Variants in MGAM observed in about 807,000 individuals in gnomAD.
MGAM encodes maltase-glucoamylase, also known as alpha-1,4-glucosidase.
In MGAM, 253 loss-of-function variants were observed where a neutral mutation model predicts 358.8. That is an observed-to-expected ratio of 0.71 (90% CI 0.64 to 0.78). The LOEUF (loss-of-function observed/expected upper bound fraction) is 0.78, where lower values mean the gene tolerates loss of function less well. Ranked by LOEUF, MGAM falls within the 30% of genes least tolerant of loss-of-function variation. The pLI is 0.00. For missense variants in MGAM, 3,080 were observed against 3,432.6 expected, an observed-to-expected ratio of 0.90 and a Z score of 2.57; for synonymous variants, 1,105 against 1,227.1, an observed-to-expected ratio of 0.90 and a Z score of 2.08.
chr7:142,088,688 A>G (rs1226810189), intron 57 of MGAM, among the ~76,000 whole-genome samples: 2 of 140,694 alleles, frequency 1.4e-5, no homozygotes. Flanking sequence ...CTATCTATCT[A>G]TCTATCTATC....
rs368424045 is a variant in MGAM at position 142,065,883 on chromosome 7, T to C, written c.4770+52T>C. The stretch of plus-strand genomic sequence containing the variant: ...GTTTTATGTCACTTGAAAGACAGTC[T>C]CCATTTCTGTGCTAAAAGTAATGCA... On this transcript the variant is annotated intron_variant, in intron 40 of 70. Transcript: ENST00000475668. The C allele has an allele frequency of 1.7e-5, 23 of 1,331,290 alleles. 1 individual carries two copies. Among genetic ancestry groups the C allele is most frequent in the South Asian group, 1.6e-4 (13 of 80,226 alleles). 82.5% of individuals were successfully genotyped at this position (1,331,290 alleles called of 1,614,324 possible). A position where few individuals can be genotyped will look rare whatever the true frequency, so the allele number is the denominator to read the frequency against.
rs200326465 is a variant in MGAM at position 142,056,908 on chromosome 7, C to T, written c.3659C>T (p.Pro1220Leu). The change falls in exon 30 of 71, where the codon CCG (proline) becomes CTG (leucine). Residue 1220 changes from proline to leucine, a missense_variant. By Grantham distance (98) the Pro-to-Leu change is moderately conservative. This residue lies in a region of MGAM where 1,816 missense variants were observed against 1,840.5 expected (regional missense o/e 0.99). Coordinates refer to ENST00000475668, the MANE Select transcript of MGAM (RefSeq NM_001365693.1). ...CTGGACTTTTATGTGTTCTTGGGGC[C>T]GACTCCAGAGCTTGTCACCCAGCAG... ...GVLDFYVFLG[P>L]TPELVTQQYT... 20 of 1,613,646 alleles carry T rather than the reference C, an allele frequency of 1.2e-5. No individual in the cohort carries two copies. The highest frequency in any genetic ancestry group is 3.3e-5 in the South Asian group (3 of 91,062).
At chr7:142,047,691 C>A in intron 21 of MGAM, 94 bp from the exon 22 acceptor site, 1 of 1,223,680 alleles carries the variant, frequency 8.2e-7, no homozygotes, top group Non-Finnish European at 1.2e-6. Context: ...CTGCTAGTAA[C>A]TTTTCCAATT....
intron 31 of MGAM, among the ~76,000 whole-genome samples, chr7:142,058,600 C>A (rs988023562): frequency 6.6e-6 from 1 of 152,236 alleles, no homozygotes; most frequent in Non-Finnish European, 1.5e-5. Flanking sequence ...CCTTCCATTT[C>A]TTTCACTTGG....
chr7:142,041,777 T>A (rs1808589033), intron 21 of MGAM, among the ~76,000 whole-genome samples: 1 of 145,996 alleles, frequency 6.8e-6, no homozygotes, highest in Non-Finnish European at 1.5e-5. Context: ...ATGATCCAAA[T>A]GAAACTTTAC....
chr7:142,074,948 G>C (rs1813621700), intron 45 of MGAM, among the ~76,000 whole-genome samples: 1 of 146,110 alleles, frequency 6.8e-6, no homozygotes, highest in Non-Finnish European at 1.6e-5. Flanking sequence ...TGGATCCCCA[G>C]AACTTATTCA....
In MGAM at chr7:142,082,074, A is replaced by G. The variant is rs1299744850; in HGVS notation, c.6035A>G (p.Asn2012Ser). 9.6e-6 allele frequency: 15 copies of G among 1,555,450 alleles called. 2 individuals are homozygous for G. In the East Asian group the frequency reaches 1.6e-4, roughly 17 times the overall value. The change falls in exon 51 of 71, where the codon AAT becomes AGT. Residue 2012 changes from asparagine (N) to serine (S), a missense_variant. By Grantham distance (46) the Asn-to-Ser change is conservative. This residue lies in a region of MGAM where 932 missense variants were observed against 1,198.2 expected (regional missense o/e 0.78). Coordinates refer to ENST00000475668, the MANE Select transcript of MGAM (RefSeq NM_001365693.1). The stretch of plus-strand genomic sequence containing the variant: ...TCTCAGCTCCTTGGCTTCACCTTCA[A>G]TGACATGTTTATCCGCATCTCCACC... ...WDSQLLGFTF[N>S]DMFIRISTRL...
chr7:142,094,231 C>A, intron 60 of MGAM, 133 bp from the exon 61 acceptor site: 1 of 1,119,146 alleles, frequency 8.9e-7, no homozygotes, highest in Non-Finnish European at 1.3e-6. Flanking sequence ...GCCCCCATTA[C>A]AGCTCAGAGT....
At chr7:142,000,749 T>C (rs1344310004) in intron 1 of MGAM, among the ~76,000 whole-genome samples, 1 of 152,174 alleles carries the variant, frequency 6.6e-6, no homozygotes, top group Non-Finnish European at 1.5e-5. Context: ...AGTGTGTAAG[T>C]GTATTTAAGG....
rs778953832 is a variant in MGAM, at chr7:142,102,630, A to T, written c.7964A>T (p.Asp2655Val). ...TGTTTATCTTGTTTTTTGTTTGCAG[A>T]TACCTATGGGAAAGGACTCTATTAC... ...WLFWDDGQSI[D>V]TYGKGLYYLA... Residue 2655 changes from aspartate (D) to valine (V), a missense_variant and splice_region_variant, in exon 69 of 71, where the codon GAT (aspartate) becomes GTT (valine). Transcript: ENST00000475668. 2 of 1,613,256 alleles carry T rather than the reference A, an allele frequency of 1.2e-6. No homozygotes were observed. Among genetic ancestry groups the T allele is most frequent in the East Asian group, 2.2e-5 (1 of 44,848 alleles).
At chr7:142,015,282 A>ATTCT (rs782381438) in intron 3 of MGAM, among the ~76,000 whole-genome samples, 1 of 152,016 alleles carries the variant, frequency 6.6e-6, no homozygotes, top group East Asian at 1.9e-4. Flanking sequence ...CTGGATTCTT[A>ATTCT]TTCTTATCAT....
intron 31 of MGAM, 107 bp from the exon 32 acceptor site, chr7:142,059,365 C>G: frequency 6.7e-7 from 1 of 1,493,164 alleles, no homozygotes; most frequent in Non-Finnish European, 9.0e-7. Flanking sequence ...TTGAATGCAT[C>G]AACAAGAAGC....
intron 40 of MGAM, 122 bp downstream of exon 40, chr7:142,065,953 G>T (rs77524472): frequency 0.35 from 265,854 of 766,110 alleles, 48,952 homozygotes; most frequent in Non-Finnish European, 0.39. Context: ...GTTTTTTTTT[G>T]TTTTGTTTTG....
chr7:142,038,413 G>A, intron 18 of MGAM, 118 bp from the exon 19 acceptor site: 1 of 705,048 alleles, frequency 1.4e-6, no homozygotes, highest in Non-Finnish European at 2.4e-6. Context: ...AGAATAATTT[G>A]GGGGGTTTGC....
chr7:142,043,999 A>G (rs1438575463), intron 21 of MGAM, among the ~76,000 whole-genome samples: 2 of 131,334 alleles, frequency 1.5e-5, no homozygotes, highest in Non-Finnish European at 3.1e-5. Context: ...TTATATACAC[A>G]TACGACGTAT....
At chr7:142,098,411 TTC>T (rs1193685799) in intron 66 of MGAM, among the ~76,000 whole-genome samples, 5 of 151,978 alleles carry the variant, frequency 3.3e-5, no homozygotes, top group African/African-American at 1.2e-4. Context: ...TCTTCTGACT[TTC>T]TGAGGAGAAC....
In MGAM at chr7:142,019,251, T is replaced by C. The variant is rs782616300; in HGVS notation, c.380T>C (p.Val127Ala). ...TGGAATCCCCAGGGAGCTGTAAGTG[T>C]TCCCTGGTGCTACTATTCCAAGAAT... ...CCWNPQGAVS[V>A]PWCYYSKNHS... Residue 127 changes from valine to alanine, a missense_variant, in exon 4 of 71, where the codon GTT (valine) becomes GCT (alanine). By Grantham distance (64) the Val-to-Ala change is moderately conservative. Around this residue, in one of 5 missense-constraint regions of MGAM, gnomAD observed 1,816 missense variants for 1,840.5 expected, o/e 0.99. Transcript: ENST00000475668. 6.2e-7 allele frequency: 1 copy of C among 1,613,472 alleles called. No homozygotes were observed. Among genetic ancestry groups the C allele is most frequent in the Non-Finnish European group, 8.5e-7 (1 of 1,179,486 alleles).
At position 142,038,336 on chromosome 7, in the gene MGAM, A is replaced by G. The variant is rs562439596; in HGVS notation, c.2232-195A>G. 1.2e-4 allele frequency among the ~76,000 whole-genome samples: 19 copies of G among 152,282 alleles called. No individual in the cohort carries two copies. In the South Asian group the frequency reaches 3.9e-3, roughly 32 times the overall value. ...AAACATCTGTTTATCCTGAGGGAAG[A>G]ATAGGAGACATGAGCTGGGGAAGGG... On this transcript the variant is annotated intron_variant, in intron 18 of 70. Coordinates refer to ENST00000475668, the MANE Select transcript of MGAM (RefSeq NM_001365693.1).
Position 142,084,426 on chromosome 7 carries a change from C to G in MGAM, c.6382-93C>G, listed in dbSNP as rs1814585123. On this transcript the variant is annotated intron_variant, in intron 53 of 70. Transcript: ENST00000475668. ...GGAATTCAATTAGTTAGTTGTCTAG[C>G]TTGGGGCACAGAAAAATATTCTTAT... The G allele has an allele frequency of 4.4e-6, 6 of 1,370,916 alleles. No homozygotes were observed. The East Asian group carries it at 1.4e-4, about 32-fold the overall frequency. 84.9% of individuals were successfully genotyped at this position (1,370,916 alleles called of 1,614,324 possible).
Sources: gnomAD v4.1 joint callset for allele counts (sites outside exome capture counted in the v4.1 genomes callset) on GRCh38, gnomAD v4.1.1 for gene constraint, gnomAD v4.1.1 regional missense constraint, MANE v1.5 for transcripts, NCBI Gene and HGNC (gene_info 2026-07-23, HGNC 2026-07-21) for gene names.